The following PRKN variants were observed in gnomAD, a reference collection of about 807,000 sequenced individuals.
PRKN encodes E3 ubiquitin-protein ligase parkin.
A neutral mutation model predicts 59.5 loss-of-function variants in PRKN; 56 were observed. The ratio of observed to expected loss-of-function variants is 0.94; its 90% CI spans 0.76 to 1.18. PRKN has a LOEUF of 1.18. Ranked by LOEUF, PRKN falls within the 50% of genes most tolerant of loss-of-function variation. The pLI is 0.00. For synonymous variants in PRKN, 250 were observed against 222.1 expected, an observed-to-expected ratio of 1.13 and a Z score of -1.12; for missense variants, 657 against 596.4, an observed-to-expected ratio of 1.10 and a Z score of -1.06.
At chr6:162,600,902 T>C (rs1583883872) in intron 1 of PRKN, among the ~76,000 whole-genome samples, 1 of 103,746 alleles carries the variant, frequency 9.6e-6, no homozygotes, top group South Asian at 3.9e-4. Flanking sequence ...CATAAGCCAA[T>C]TAAACTTCTT....
intron 2 of PRKN, among the ~76,000 whole-genome samples, chr6:162,295,634 A>G (rs1207063093): frequency 1.3e-5 from 2 of 152,164 alleles, no homozygotes; most frequent in Non-Finnish European, 2.9e-5. Flanking sequence ...TGGCCCCACT[A>G]CAGGAGTTGT....
At chr6:161,755,933 G>GA (rs1361184046) in intron 7 of PRKN, among the ~76,000 whole-genome samples, 13 of 151,930 alleles carry the variant, frequency 8.6e-5, no homozygotes, top group African/African-American at 1.9e-4. Flanking sequence ...ATAGGTGTTG[G>GA]AAAAAACGCC....
At chr6:161,883,494 G>A (rs1329343599) in intron 6 of PRKN, among the ~76,000 whole-genome samples, 1 of 148,068 alleles carries the variant, frequency 6.8e-6, no homozygotes, top group Non-Finnish European at 1.5e-5. Context: ...CAAAGGGAAG[G>A]GAAGGGAAGG....
chr6:162,432,040 A>G (rs2128163521), intron 2 of PRKN, among the ~76,000 whole-genome samples: 1 of 152,288 alleles, frequency 6.6e-6, no homozygotes, highest in African/African-American at 2.4e-5. Context: ...TGCCCTCTTC[A>G]GGGAAATCTT....
chr6:162,506,902 C>T (rs1793635369), intron 1 of PRKN, among the ~76,000 whole-genome samples: 1 of 151,932 alleles, frequency 6.6e-6, no homozygotes, highest in South Asian at 2.1e-4. Flanking sequence ...ATGGGGTTTG[C>T]TAAGAAAAGG....
At chr6:162,678,666 G>A (rs1467183703) in intron 1 of PRKN, among the ~76,000 whole-genome samples, 1 of 152,152 alleles carries the variant, frequency 6.6e-6, no homozygotes, top group African/African-American at 2.4e-5. Context: ...ATTGAGTTTT[G>A]AGAGTTCTTT....
At chr6:161,719,152 C>T (rs1329007975) in intron 7 of PRKN, among the ~76,000 whole-genome samples, 5 of 151,686 alleles carry the variant, frequency 3.3e-5, no homozygotes, top group South Asian at 2.1e-4. Context: ...GCGAAGGGTA[C>T]GGATTGCCAA....
intron 4 of PRKN, among the ~76,000 whole-genome samples, chr6:162,192,424 A>T (rs1160062573): frequency 6.9e-6 from 1 of 144,736 alleles, no homozygotes; most frequent in African/African-American, 2.5e-5. Flanking sequence ...TATGGTAAGC[A>T]TTCAATAAAT....
intron 9 of PRKN, among the ~76,000 whole-genome samples, chr6:161,432,906 CA>C (rs1238699074): frequency 6.6e-6 from 1 of 151,958 alleles, no homozygotes. Flanking sequence ...TCTAAATGCA[CA>C]AAATAAAAGG....
At chr6:162,140,153 A>G (rs1466683433) in intron 4 of PRKN, among the ~76,000 whole-genome samples, 1 of 152,218 alleles carries the variant, frequency 6.6e-6, no homozygotes, top group African/African-American at 2.4e-5. Context: ...TGAACATTCA[A>G]TTGGGGATTG....
intron 4 of PRKN, among the ~76,000 whole-genome samples, chr6:162,096,628 G>A (rs1385672818): frequency 2.7e-4 from 41 of 152,144 alleles, no homozygotes; most frequent in Admixed American, 2.6e-3. Context: ...AGTCTCACAC[G>A]ATCTGATGGT....
chr6:162,388,841 G>A (rs1043098652), intron 2 of PRKN, among the ~76,000 whole-genome samples: 3 of 152,068 alleles, frequency 2.0e-5, no homozygotes, highest in Non-Finnish European at 4.4e-5. Context: ...CCCAAATGTA[G>A]AATATAAAGT....
intron 3 of PRKN, among the ~76,000 whole-genome samples, chr6:162,252,996 G>A (rs2128096705): frequency 6.6e-6 from 1 of 152,346 alleles, no homozygotes; most frequent in East Asian, 1.9e-4. Flanking sequence ...GAGAGGAAAT[G>A]CCCCTGCTTC....
At chr6:161,662,062 C>T (rs1407513875) in intron 7 of PRKN, among the ~76,000 whole-genome samples, 3 of 151,878 alleles carry the variant, frequency 2.0e-5, no homozygotes, top group Non-Finnish European at 4.4e-5. Flanking sequence ...CAAGTAAATA[C>T]TTAAAAAAAA....
intron 3 of PRKN, among the ~76,000 whole-genome samples, chr6:162,218,754 C>T (rs1348052225): frequency 2.6e-5 from 4 of 152,106 alleles, no homozygotes; most frequent in Non-Finnish European, 4.4e-5. Flanking sequence ...ATGTGAGGAC[C>T]TGGTGCCACA....
intron 5 of PRKN, among the ~76,000 whole-genome samples, chr6:162,035,205 A>G (rs1277295608): frequency 1.3e-5 from 2 of 152,082 alleles, no homozygotes; most frequent in Non-Finnish European, 2.9e-5. Flanking sequence ...CTTTTTAACA[A>G]TCAGTTCTTG....
At chr6:161,667,574 A>C (rs753982527) in intron 7 of PRKN, among the ~76,000 whole-genome samples, 9 of 152,234 alleles carry the variant, frequency 5.9e-5, no homozygotes, top group Non-Finnish European at 1.3e-4. Flanking sequence ...AATTACAGCC[A>C]ACTATAAACT....
intron 4 of PRKN, among the ~76,000 whole-genome samples, chr6:162,185,540 C>T (rs1390566703): frequency 6.6e-6 from 1 of 152,174 alleles, no homozygotes; most frequent in Non-Finnish European, 1.5e-5. Flanking sequence ...TATCTGCGTC[C>T]TTCATTATAA....
chr6:162,580,413 T>G (rs1463311008), intron 1 of PRKN, among the ~76,000 whole-genome samples: 1 of 147,574 alleles, frequency 6.8e-6, no homozygotes, highest in African/African-American at 2.5e-5. Flanking sequence ...CACTCCAGCC[T>G]GGGCTACAAA....
Sources: gnomAD v4.1 joint callset for allele counts (sites outside exome capture counted in the v4.1 genomes callset) on GRCh38, gnomAD v4.1.1 for gene constraint, MANE v1.5 for transcripts, NCBI Gene and HGNC (gene_info 2026-07-23, HGNC 2026-07-21) for gene names.